Variants in EPHA6 observed in about 807,000 individuals in gnomAD.
The protein encoded by EPHA6 is ephrin type-A receptor 6.
EPHA6 carries 50 observed loss-of-function variants against 112.0 expected under a neutral mutation model. That is an observed-to-expected ratio of 0.45 (90% CI 0.36 to 0.56). The LOEUF (loss-of-function observed/expected upper bound fraction) is 0.56, where lower values mean the gene tolerates loss of function less well. Among genes scored for constraint, EPHA6 ranks in the 20% least tolerant of loss-of-function variants. The pLI is 0.00. For missense variants in EPHA6, 1,280 were observed against 1,417.4 expected, an observed-to-expected ratio of 0.90 and a Z score of 1.56; for synonymous variants, 529 against 490.7, an observed-to-expected ratio of 1.08 and a Z score of -1.03.
chr3:96,985,040 G>T (rs535330917), intron 2 of EPHA6, among the ~76,000 whole-genome samples: 16 of 152,254 alleles, frequency 1.1e-4, no homozygotes, highest in African/African-American at 3.9e-4. Context: ...CACACTCAGT[G>T]GGCTGCACCC....
chr3:97,011,834 G>A (rs1374742051), intron 3 of EPHA6, among the ~76,000 whole-genome samples: 1 of 151,996 alleles, frequency 6.6e-6, no homozygotes, highest in African/African-American at 2.4e-5. Context: ...GTCCATTGTT[G>A]CCATCTTTAT....
chr3:97,247,044 G>A (rs9859341), intron 5 of EPHA6, among the ~76,000 whole-genome samples: 31,068 of 151,868 alleles, frequency 0.2, 7,892 homozygotes, highest in African/African-American at 0.58. Flanking sequence ...GTATTGCTTA[G>A]TAAATAAAAT....
rs756077851 is a variant in EPHA6, at chr3:97,761,206, T to C, written c.*12505T>C. ...CTATTTTTATCTTACAAAAATCTAC[T>C]ATAATATTAATAACTTTCCATGTAA... On this transcript the variant is annotated 3_prime_UTR_variant, in exon 18 of 18. Coordinates refer to ENST00000389672, the MANE Select transcript of EPHA6 (RefSeq NM_001080448.3). 7.6e-5 allele frequency: 15 copies of C among 198,110 alleles called. No homozygotes were observed. The highest frequency in any genetic ancestry group is 1.4e-4 in the Non-Finnish European group (13 of 95,692). 12.3% of individuals were successfully genotyped at this position (198,110 alleles called of 1,614,324 possible). A position where few individuals can be genotyped will look rare whatever the true frequency, so the allele number is the denominator to read the frequency against.
At chr3:97,046,569 A>C (rs992330754) in intron 3 of EPHA6, among the ~76,000 whole-genome samples, 1 of 152,204 alleles carries the variant, frequency 6.6e-6, no homozygotes, top group African/African-American at 2.4e-5. Flanking sequence ...TAAGAATGGA[A>C]AGGAAATAAA....
chr3:96,959,170 G>A (rs1268115137), intron 2 of EPHA6, among the ~76,000 whole-genome samples: 3 of 152,130 alleles, frequency 2.0e-5, no homozygotes, highest in Non-Finnish European at 4.4e-5. Context: ...ACCAATACTT[G>A]TTTATTGTCT....
intron 13 of EPHA6, among the ~76,000 whole-genome samples, chr3:97,631,406 T>C (rs138020298): frequency 5.5e-4 from 83 of 152,150 alleles, no homozygotes; most frequent in African/African-American, 1.7e-3. Flanking sequence ...GTAAGGTAAA[T>C]GTCCTGTGTA....
At chr3:97,359,413 A>T (rs1013995815) in intron 5 of EPHA6, among the ~76,000 whole-genome samples, 3 of 149,458 alleles carry the variant, frequency 2.0e-5, no homozygotes, top group Non-Finnish European at 3.0e-5. Flanking sequence ...AGCATTTTTT[A>T]AAATTACTTT....
chr3:96,943,971 G>A (rs2041117381), intron 2 of EPHA6, among the ~76,000 whole-genome samples: 1 of 152,120 alleles, frequency 6.6e-6, no homozygotes, highest in South Asian at 2.1e-4. Flanking sequence ...TGTTCTAATA[G>A]ATCATAAATT....
At chr3:97,193,499 A>T (rs1412259611) in intron 3 of EPHA6, among the ~76,000 whole-genome samples, 3 of 152,132 alleles carry the variant, frequency 2.0e-5, no homozygotes, top group Non-Finnish European at 4.4e-5. Flanking sequence ...GTATTCTGCA[A>T]CTTTACTGAG....
rs567184836 is a variant in EPHA6, at chr3:97,223,355, G to C, written c.1115-2909G>C. On this transcript the variant is annotated intron_variant, in intron 3 of 17. Coordinates refer to ENST00000389672, the MANE Select transcript of EPHA6 (RefSeq NM_001080448.3). ...CAGGGTGTAGCAGGAAGCAGGGAAG[G>C]CTTCATTAATTTGGTGACATTTGAA... Among the ~76,000 whole-genome samples, 9 of 152,280 alleles carry C rather than the reference G, an allele frequency of 5.9e-5. No individual in the cohort carries two copies. In the South Asian group the frequency reaches 1.9e-3, roughly 32 times the overall value.
chr3:97,238,949 C>A (rs1325276838), intron 4 of EPHA6, among the ~76,000 whole-genome samples: 1 of 151,734 alleles, frequency 6.6e-6, no homozygotes, highest in African/African-American at 2.4e-5. Flanking sequence ...TTTTTGTTTG[C>A]CTGTTTTAAC....
chr3:97,095,167 T>C (rs2047197811), intron 3 of EPHA6, among the ~76,000 whole-genome samples: 1 of 152,010 alleles, frequency 6.6e-6, no homozygotes, highest in Non-Finnish European at 1.5e-5. Flanking sequence ...AAGCGTAATA[T>C]TGTTAAAAAG....
chr3:96,933,033 A>T (rs1227928347), intron 2 of EPHA6, among the ~76,000 whole-genome samples: 2 of 152,088 alleles, frequency 1.3e-5, no homozygotes, highest in African/African-American at 4.8e-5. Flanking sequence ...TATCTTGGGT[A>T]ATCATCCATC....
chr3:96,962,623 T>A (rs924988985), intron 2 of EPHA6, among the ~76,000 whole-genome samples: 3 of 150,882 alleles, frequency 2.0e-5, no homozygotes, highest in African/African-American at 7.4e-5. Flanking sequence ...AAATTTGCAC[T>A]GTCCCTTTTA....
chr3:96,863,345 T>C (rs1286314280), intron 1 of EPHA6, among the ~76,000 whole-genome samples: 2 of 152,012 alleles, frequency 1.3e-5, no homozygotes, highest in African/African-American at 4.8e-5. Context: ...CTCACCTTGC[T>C]GTGTTCAACG....
chr3:97,590,246 G>C (rs186836884), intron 11 of EPHA6: 58 of 152,258 alleles, frequency 3.8e-4, no homozygotes, highest in African/African-American at 1.3e-3. Context: ...TTAAGGAAGA[G>C]ATGCCACAAT....
Position 97,756,984 on chromosome 3 carries a change from T to C in EPHA6, c.*8283T>C, listed in dbSNP as rs2036042068. 6.6e-6 allele frequency among the ~76,000 whole-genome samples: 1 copy of C among 151,868 alleles called. No individual in the cohort carries two copies. On this transcript the variant is annotated 3_prime_UTR_variant, in exon 18 of 18. Transcript: ENST00000389672. ...AACTTTGACAGTTTAATTTTGAATT[T>C]TGAAGGAATAATTTTTAACAGTCTT...
chr3:96,940,644 A>G (rs554247438), intron 2 of EPHA6, among the ~76,000 whole-genome samples: 32 of 152,232 alleles, frequency 2.1e-4, no homozygotes, highest in Middle Eastern at 6.8e-3. Flanking sequence ...TGTCATTATG[A>G]TGTTAGCTGG....
At chr3:97,639,289 G>A (rs113509977) in intron 14 of EPHA6, among the ~76,000 whole-genome samples, 2,223 of 151,930 alleles carry the variant, frequency 0.015, 60 homozygotes, top group African/African-American at 0.051. Flanking sequence ...AGAAAAAGCA[G>A]TATTTTCAAC....
Sources: allele counts gnomAD v4.1 joint callset (sites outside exome capture counted in the v4.1 genomes callset), GRCh38; gene constraint gnomAD v4.1.1; transcripts MANE v1.5; gene names NCBI Gene and HGNC (gene_info 2026-07-23, HGNC 2026-07-21).